CHST12: variants seen among roughly 807,000 people sequenced by gnomAD.
CHST12 encodes carbohydrate (chondroitin 4) sulfotransferase 12.
In CHST12, 23 loss-of-function variants were observed where a neutral mutation model predicts 27.9. That is an observed-to-expected ratio of 0.82 (90% confidence interval 0.59 to 1.17). The LOEUF is 1.17. Ranked by LOEUF, CHST12 falls within the 50% of genes most tolerant of loss-of-function variation. The probability of loss-of-function intolerance (pLI) is 0.00; values close to 1 mark genes in which losing one functional copy is unlikely to be tolerated. For synonymous variants in CHST12, 322 were observed against 273.0 expected (o/e 1.18, Z -1.77); for missense variants, 682 against 603.0 (o/e 1.13, Z -1.37).
Position 2,433,627 on chromosome 7 carries a change from C to T in CHST12, c.988C>T (p.His330Tyr). ...EHWRQVYRLCHPCQIDYDFVG... is the reference protein window; with the variant it reads ...EHWRQVYRLCYPCQIDYDFVG... ...CTGGCGGCAGGTGTACCGCCTCTGC[C>T]ACCCGTGCCAGATCGACTACGACTT... The change falls in exon 2 of 2, where the codon CAC (histidine) becomes TAC (tyrosine). Residue 330 changes from histidine (H) to tyrosine (Y), a missense_variant. His to Tyr is a moderately conservative substitution (Grantham distance 83). Coordinates refer to ENST00000618655, the MANE Select transcript of CHST12 (RefSeq NM_018641.5). This position sits in a 1 kb window ranked among gnomAD's most constrained non-coding sequence, Gnocchi z 6.1. The T allele has an allele frequency of 1.2e-6, 2 of 1,613,770 alleles. No individual in the cohort carries two copies. Among genetic ancestry groups the T allele is most frequent in the East Asian group, 2.2e-5 (1 of 44,878 alleles).
chr7:2,409,671 G>A (rs1719185407), intron 1 of CHST12, among the ~76,000 whole-genome samples: 1 of 152,098 alleles, frequency 6.6e-6, no homozygotes, highest in African/African-American at 2.4e-5. Context: ...GGTGAGAAAG[G>A]GAAGCAGGGA....
At chr7:2,419,387 T>G (rs1022981921) in intron 1 of CHST12, among the ~76,000 whole-genome samples, 15 of 101,182 alleles carry the variant, frequency 1.5e-4, no homozygotes, top group African/African-American at 2.5e-4. Context: ...AATGATAGAG[T>G]GGAACCCTGT....
rs139138201 is a variant in CHST12 at position 2,433,508 on chromosome 7, A to T, written c.869A>T (p.Glu290Val). 1 of 1,612,282 alleles carries T rather than the reference A, an allele frequency of 6.2e-7. No homozygotes were observed. Among genetic ancestry groups the T allele is most frequent in the Non-Finnish European group, 8.5e-7 (1 of 1,179,888 alleles). ...NHTSLPASAR[E>V]AFRAGLKVSF... ...ACCAGCCTGCCCGCCTCGGCGCGCG[A>T]GGCCTTCCGCGCTGGCCTCAAGGTG... The change falls in exon 2 of 2, where the codon GAG becomes GTG. Residue 290 changes from glutamate (E) to valine (V), a missense_variant. Transcript: ENST00000618655. This position sits in a 1 kb window ranked among gnomAD's most constrained non-coding sequence, Gnocchi z 6.1.
intron 1 of CHST12, among the ~76,000 whole-genome samples, chr7:2,419,777 C>G (rs1199831353): frequency 6.6e-6 from 1 of 151,566 alleles, no homozygotes; most frequent in Non-Finnish European, 1.5e-5. Flanking sequence ...TAAGCACGTT[C>G]ACATCACTCT....
Position 2,441,877 on chromosome 7 carries a change from T to TA in CHST12, c.*7995dup, listed in dbSNP as rs1782614381. On this transcript the variant is annotated 3_prime_UTR_variant, in exon 2 of 2. Coordinates refer to ENST00000618655, the MANE Select transcript of CHST12 (RefSeq NM_018641.5). Reference sequence around the variant, plus strand: ...ATTTCAGTTCTTTTAAAAGTTGTGGTAAGATACATGCAACATAAAATGTGC... The same window carrying TA: ...ATTTCAGTTCTTTTAAAAGTTGTGGTAAAGATACATGCAACATAAAATGTGC... The TA allele has an allele frequency of 6.6e-6, 1 of 152,228 alleles. No individual in the cohort carries two copies. The highest frequency in any genetic ancestry group is 2.4e-5 in the African/African-American group (1 of 41,546). The allele number at this position is 152,228 out of a possible 1,614,324, so 9.4% of individuals were successfully genotyped here. A position where few individuals can be genotyped will look rare whatever the true frequency, so the allele number is the denominator to read the frequency against.
intron 1 of CHST12, among the ~76,000 whole-genome samples, chr7:2,414,798 G>C (rs1185171970): frequency 6.6e-6 from 1 of 152,170 alleles, no homozygotes; most frequent in African/African-American, 2.4e-5. Flanking sequence ...TAATTTCTGT[G>C]TGAGGCGTAG....
intron 1 of CHST12, among the ~76,000 whole-genome samples, chr7:2,407,037 T>TAAA (rs752422764): frequency 7.0e-6 from 1 of 143,070 alleles, no homozygotes; most frequent in African/African-American, 2.6e-5. Context: ...CTCTCGGATG[T>TAAA]AAAAAAAAAA....
At chr7:2,413,915 G>C (rs547818862) in intron 1 of CHST12, among the ~76,000 whole-genome samples, 62 of 151,958 alleles carry the variant, frequency 4.1e-4, no homozygotes, top group Non-Finnish European at 8.0e-4. Context: ...TTTTAGTAGA[G>C]ATGGGGTTTC....
At chr7:2,432,381 C>T (rs1782294930) in intron 1 of CHST12, among the ~76,000 whole-genome samples, 182 bp from the exon 2 acceptor site, 1 of 152,080 alleles carries the variant, frequency 6.6e-6, no homozygotes, top group Non-Finnish European at 1.5e-5. Flanking sequence ...GGTGCTCGGG[C>T]ACATGGATGT....
intron 1 of CHST12, among the ~76,000 whole-genome samples, chr7:2,422,866 CTTTT>C (rs576927497): frequency 2.2e-5 from 3 of 136,904 alleles, no homozygotes; most frequent in Non-Finnish European, 3.2e-5. Context: ...TTCAGAAAAC[CTTTT>C]TTTTTTTTTT....
At chr7:2,427,928 T>C (rs1782170671) in intron 1 of CHST12, among the ~76,000 whole-genome samples, 1 of 151,936 alleles carries the variant, frequency 6.6e-6, no homozygotes, top group African/African-American at 2.4e-5. Context: ...GCGATTCTCC[T>C]GCCTCAGCCT....
chr7:2,442,054 C>G lies in CHST12; in HGVS notation c.*8170C>G, dbSNP rs1782618609. 1 of 152,176 alleles carries G rather than the reference C, an allele frequency of 6.6e-6. No homozygotes were observed. Among genetic ancestry groups the G allele is most frequent in the Non-Finnish European group, 1.5e-5 (1 of 68,046 alleles). The allele number at this position is 152,176 out of a possible 1,614,324, so 9.4% of individuals were successfully genotyped here. A position where few individuals can be genotyped will look rare whatever the true frequency, so the allele number is the denominator to read the frequency against. On this transcript the variant is annotated 3_prime_UTR_variant, in exon 2 of 2. Transcript: ENST00000618655. ...CACTAGCTCCCCATTCCCCACTGTG[C>G]CGCCCCCCCAAAGCCCCTGGCACCA...
intron 1 of CHST12, among the ~76,000 whole-genome samples, chr7:2,422,738 G>A (rs1782010972): frequency 6.6e-6 from 1 of 151,022 alleles, no homozygotes; most frequent in African/African-American, 2.4e-5. Context: ...GTTTCACCGT[G>A]TTGGCCAGAC....
chr7:2,428,421 A>G (rs935601870), intron 1 of CHST12, among the ~76,000 whole-genome samples: 5 of 152,132 alleles, frequency 3.3e-5, no homozygotes, highest in South Asian at 2.1e-4. Flanking sequence ...CCACAATGCA[A>G]CGGGGCTCTT....
At chr7:2,412,725 C>G (rs1290279437) in intron 1 of CHST12, among the ~76,000 whole-genome samples, 1 of 152,188 alleles carries the variant, frequency 6.6e-6, no homozygotes, top group Non-Finnish European at 1.5e-5. Flanking sequence ...GAGGCCAGCT[C>G]TAAACACTGC....
chr7:2,413,702 G>A (rs1027758349), intron 1 of CHST12, among the ~76,000 whole-genome samples: 2 of 150,576 alleles, frequency 1.3e-5, no homozygotes, highest in African/African-American at 4.9e-5. Flanking sequence ...GATGTACATT[G>A]GGGTTGTTTT....
chr7:2,423,330 C>G (rs753302223), intron 1 of CHST12, among the ~76,000 whole-genome samples: 12 of 152,104 alleles, frequency 7.9e-5, no homozygotes, highest in Non-Finnish European at 1.8e-4. Flanking sequence ...TATAACCGTT[C>G]AGAGGGTATT....
chr7:2,405,312 G>A (rs1387087302), intron 1 of CHST12, among the ~76,000 whole-genome samples: 1 of 152,104 alleles, frequency 6.6e-6, no homozygotes, highest in East Asian at 1.9e-4. Flanking sequence ...GGGCGTGGTG[G>A]TGCACACCTG....
chr7:2,433,216 G>A lies in CHST12; in HGVS notation c.577G>A (p.Gly193Ser). The change falls in exon 2 of 2, where the codon GGT (glycine) becomes AGT (serine). Residue 193 changes from glycine to serine, a missense_variant. Transcript: ENST00000618655. This position sits in a 1 kb window ranked among gnomAD's most constrained non-coding sequence, Gnocchi z 6.1. Reference sequence around the variant, plus strand: ...GCTGAGCGGAAGCCTGCTGCACCGCGGTGCGCCCTACCGCGACCCGCTGCG... The same window carrying A: ...GCTGAGCGGAAGCCTGCTGCACCGCAGTGCGCCCTACCGCGACCCGCTGCG... ...IVLSGSLLHR[G>S]APYRDPLRIP... is the part of the protein sequence containing the mutation. 3 of 1,612,558 alleles carry A rather than the reference G, an allele frequency of 1.9e-6. No homozygotes were observed.
Sources: allele counts gnomAD v4.1 joint callset (sites outside exome capture counted in the v4.1 genomes callset), GRCh38; gene constraint gnomAD v4.1.1; non-coding constraint Gnocchi (gnomAD v3.1); transcripts MANE v1.5; gene names NCBI Gene and HGNC (gene_info 2026-07-23, HGNC 2026-07-21).